ANK3: variants seen among roughly 807,000 people sequenced by gnomAD.
ANK3 encodes the protein ankyrin 3.
Under a neutral mutation model 370.9 loss-of-function variants are expected in ANK3, and 57 were observed. The ratio of observed to expected loss-of-function variants is 0.15; its 90% CI spans 0.12 to 0.19. The LOEUF is 0.19. Ranked by LOEUF, ANK3 falls within the 10% of genes least tolerant of loss-of-function variation. The pLI is 1.00. For missense variants in ANK3, 4,439 were observed against 5,302.1 expected, an observed-to-expected ratio of 0.84 and a Z score of 5.06; for synonymous variants, 1,929 against 1,946.3, an observed-to-expected ratio of 0.99 and a Z score of 0.23.
chr10:60,376,442 G>T (rs1290306823), intron 1 of ANK3, among the ~76,000 whole-genome samples: 3 of 150,852 alleles, frequency 2.0e-5, no homozygotes, highest in Admixed American at 6.6e-5. Flanking sequence ...ATGCCAAATG[G>T]ATGGCTATAT....
intron 2 of ANK3, among the ~76,000 whole-genome samples, chr10:60,582,937 G>A (rs2077775435): frequency 6.6e-6 from 1 of 152,034 alleles, no homozygotes; most frequent in South Asian, 2.1e-4. Context: ...AGCCATTATG[G>A]AAGGAGCAAT....
chr10:60,560,318 T>G (rs966303193), intron 2 of ANK3, among the ~76,000 whole-genome samples: 1 of 152,108 alleles, frequency 6.6e-6, no homozygotes, highest in African/African-American at 2.4e-5. Flanking sequence ...TTCCCTAAAA[T>G]AGCAAAATTC....
chr10:60,641,088 T>A (rs561977272), intron 1 of ANK3, among the ~76,000 whole-genome samples: 2 of 150,820 alleles, frequency 1.3e-5, no homozygotes, highest in East Asian at 3.9e-4. Flanking sequence ...GTGAAGGACC[T>A]CTTCAAGGAG....
rs61855293 is a variant in ANK3, at chr10:60,526,427, T to G, written c.96+88759A>C. 2.6e-3 allele frequency among the ~76,000 whole-genome samples: 401 copies of G among 152,258 alleles called. 3 individuals carry two copies. The highest frequency in any genetic ancestry group is 0.01 in the Middle Eastern group (3 of 294). ...TCCCTAATACTCTGCTTCTATACAT[T>G]GGAGTCCCTTTTATTGTGTGTTCCA... is the stretch of plus-strand genomic sequence containing the variant. On this transcript the variant is annotated intron_variant, in intron 2 of 43. Transcript: ENST00000373827.
chr10:60,319,510 A>G (rs1013994644), intron 1 of ANK3, among the ~76,000 whole-genome samples: 1 of 152,228 alleles, frequency 6.6e-6, no homozygotes, highest in Admixed American at 6.5e-5. Flanking sequence ...AAAGAAATAT[A>G]TCGTCTATTC....
chr10:60,701,254 C>T (rs1029458768), intron 1 of ANK3, among the ~76,000 whole-genome samples: 3 of 151,428 alleles, frequency 2.0e-5, no homozygotes, highest in Admixed American at 6.6e-5. Flanking sequence ...CTGGGCAAGG[C>T]TGTGAGAAAA....
chr10:60,200,701 C>T (rs2096660134), intron 12 of ANK3, among the ~76,000 whole-genome samples: 1 of 151,702 alleles, frequency 6.6e-6, no homozygotes, highest in African/African-American at 2.4e-5. Context: ...AAAGAAGTGG[C>T]AGTCTGGATT....
chr10:60,521,088 A>G (rs973777302), intron 2 of ANK3, among the ~76,000 whole-genome samples: 3 of 152,114 alleles, frequency 2.0e-5, no homozygotes, highest in African/African-American at 7.2e-5. Flanking sequence ...TTGTCACAAC[A>G]TAAATAAATC....
intron 1 of ANK3, among the ~76,000 whole-genome samples, chr10:60,727,210 A>G (rs1476324205): frequency 6.6e-6 from 1 of 152,198 alleles, no homozygotes; most frequent in Non-Finnish European, 1.5e-5. Context: ...AAAAGTTGAA[A>G]ACAACTCAAA....
intron 1 of ANK3, among the ~76,000 whole-genome samples, chr10:60,688,981 GT>G (rs2079310307): frequency 1.3e-5 from 2 of 151,788 alleles, no homozygotes; most frequent in Non-Finnish European, 2.9e-5. Context: ...GATAAAATCA[GT>G]ATTTGAACCT....
intron 1 of ANK3, among the ~76,000 whole-genome samples, chr10:60,332,033 T>G (rs2051471525): frequency 6.6e-6 from 1 of 152,148 alleles, no homozygotes. Flanking sequence ...TCAGGAAATT[T>G]ATCCATATGG....
chr10:60,616,094 T>C (rs1214612642), intron 1 of ANK3, among the ~76,000 whole-genome samples: 1 of 152,176 alleles, frequency 6.6e-6, no homozygotes, highest in Non-Finnish European at 1.5e-5. Flanking sequence ...ACCATAAAAA[T>C]TATTTCATCT....
intron 1 of ANK3, among the ~76,000 whole-genome samples, chr10:60,370,407 A>AT (rs2059952113): frequency 6.6e-6 from 1 of 152,174 alleles, no homozygotes; most frequent in Admixed American, 6.5e-5. Flanking sequence ...CTAATTTTCC[A>AT]TTTTTTAAAA....
At chr10:60,282,722 T>A (rs2098182847) in intron 1 of ANK3, among the ~76,000 whole-genome samples, 1 of 152,118 alleles carries the variant, frequency 6.6e-6, no homozygotes, top group African/African-American at 2.4e-5. Flanking sequence ...ACCTCAGAAT[T>A]TTAGGAAGTA....
chr10:60,507,839 C>A (rs1227368348), intron 2 of ANK3: 1 of 151,948 alleles, frequency 6.6e-6, no homozygotes, highest in Non-Finnish European at 1.5e-5. Context: ...TCTATAATGA[C>A]AATGTATTTT....
Position 60,257,772 on chromosome 10 carries a change from C to A in ANK3, c.798+4087G>T, listed in dbSNP as rs553277218. 3.3e-5 allele frequency among the ~76,000 whole-genome samples: 5 copies of A among 152,192 alleles called. No individual in the cohort carries two copies. In the East Asian group the frequency reaches 9.6e-4, roughly 29 times the overall value. ...TGTATATTTTAATCTGTAAACCACCCGAAATCTTTTTGGAAACAAATGAGG... is the reference window on the plus strand; with the variant it reads ...TGTATATTTTAATCTGTAAACCACCAGAAATCTTTTTGGAAACAAATGAGG... On this transcript the variant is annotated intron_variant, in intron 7 of 43. Coordinates refer to ENST00000280772, the MANE Select transcript of ANK3 (RefSeq NM_020987.5).
At chr10:60,604,719 T>C (rs2133309690) in intron 2 of ANK3, among the ~76,000 whole-genome samples, 1 of 152,268 alleles carries the variant, frequency 6.6e-6, no homozygotes, top group African/African-American at 2.4e-5. Flanking sequence ...GAACCAAAGA[T>C]GTGGAAGGAA....
chr10:60,243,232 C>T (rs1228020992), intron 7 of ANK3, among the ~76,000 whole-genome samples: 1 of 152,154 alleles, frequency 6.6e-6, no homozygotes, highest in Admixed American at 6.6e-5. Context: ...ATAGTACTTA[C>T]TCATATCATA....
intron 13 of ANK3, among the ~76,000 whole-genome samples, chr10:60,199,660 C>T (rs542511488): frequency 3.2e-4 from 48 of 151,326 alleles, no homozygotes; most frequent in South Asian, 2.7e-3. Context: ...AGGTGAAATA[C>T]GAGGCCAATT....
Sources: allele counts gnomAD v4.1 joint callset (sites outside exome capture counted in the v4.1 genomes callset), GRCh38; gene constraint gnomAD v4.1.1; transcripts MANE v1.5; gene names NCBI Gene and HGNC (gene_info 2026-07-23, HGNC 2026-07-21).